The following ADK variants were observed in gnomAD, a reference collection of about 807,000 sequenced individuals.
The protein encoded by ADK is adenosine kinase, also known as N6,N6-dimethyladenosine kinase.
ADK carries 24 observed loss-of-function variants against 44.7 expected under a neutral mutation model. The ratio of observed to expected loss-of-function variants is 0.54; its 90% CI spans 0.39 to 0.76. ADK has a LOEUF of 0.76. Among genes scored for constraint, ADK ranks in the 30% least tolerant of loss-of-function variants. ADK has a pLI of 0.00. For synonymous variants in ADK, 128 were observed against 142.6 expected (o/e 0.90, Z 0.73); for missense variants, 321 against 425.1 (o/e 0.76, Z 2.15).
Position 74,314,940 on chromosome 10 carries a change from C to A in ADK, c.273+195C>A, listed in dbSNP as rs539968582. Among the ~76,000 whole-genome samples the A allele has an allele frequency of 1.2e-4, 19 of 152,158 alleles. No homozygotes were observed. The East Asian group carries it at 1.3e-3, about 11-fold the overall frequency. On this transcript the variant is annotated intron_variant, in intron 4 of 10. Transcript: ENST00000539909. ...TTCTTTGGTTATTGGTAAGCTTGAA[C>A]TTTTAATGTTTATTGTTCATTTGTG...
intron 3 of ADK, among the ~76,000 whole-genome samples, chr10:74,224,848 A>T (rs1329584269): frequency 2.0e-5 from 3 of 152,210 alleles, no homozygotes; most frequent in African/African-American, 7.2e-5. Flanking sequence ...TCTTACTGGG[A>T]AATATGTCAT....
intron 10 of ADK, among the ~76,000 whole-genome samples, chr10:74,690,223 G>A (rs952577893): frequency 2.0e-5 from 3 of 152,158 alleles, no homozygotes; most frequent in African/African-American, 7.2e-5. Flanking sequence ...GGCTGGGTGT[G>A]GTGGCTCACA....
intron 4 of ADK, chr10:74,344,932 CTCTCACATCTGACG>C (rs1037163271): frequency 6.4e-6 from 1 of 155,432 alleles, no homozygotes; most frequent in African/African-American, 2.4e-5. Context: ...TAAGCACAGG[CTCTCACATCTGACG>C]TCAGTACAAG....
At chr10:74,581,021 TACACACACACACACAC>T (rs143153735) in intron 7 of ADK, among the ~76,000 whole-genome samples, 4 of 145,244 alleles carry the variant, frequency 2.8e-5, no homozygotes, top group African/African-American at 7.7e-5. Flanking sequence ...CAATAATAAA[TACACACACACACACAC>T]ACACACACAC....
intron 4 of ADK, among the ~76,000 whole-genome samples, chr10:74,316,087 A>G (rs567666092): frequency 6.6e-6 from 1 of 152,216 alleles, no homozygotes; most frequent in East Asian, 1.9e-4. Context: ...AAAAAATACA[A>G]AAATTAGCCA....
intron 3 of ADK, among the ~76,000 whole-genome samples, chr10:74,258,034 T>C (rs1845892026): frequency 6.6e-6 from 1 of 152,210 alleles, no homozygotes. Flanking sequence ...GAAATGTTCT[T>C]TTTCCTCACT....
intron 4 of ADK, among the ~76,000 whole-genome samples, chr10:74,391,773 G>A (rs892004870): frequency 3.3e-5 from 5 of 150,658 alleles, no homozygotes; most frequent in South Asian, 2.1e-4. Context: ...ATTAGTATAC[G>A]CATGTTGTTA....
chr10:74,377,817 A>G (rs1013940998), intron 4 of ADK, among the ~76,000 whole-genome samples: 2 of 152,164 alleles, frequency 1.3e-5, no homozygotes, highest in African/African-American at 2.4e-5. Context: ...CCAACCTCCT[A>G]TCTCATCAAG....
chr10:74,586,448 G>A (rs1441493430), intron 7 of ADK, among the ~76,000 whole-genome samples: 3 of 152,136 alleles, frequency 2.0e-5, no homozygotes, highest in African/African-American at 7.2e-5. Context: ...TACAGACATG[G>A]AAGTGTCCTA....
chr10:74,452,078 T>TAA (rs1845800425), intron 6 of ADK, among the ~76,000 whole-genome samples: 1 of 151,978 alleles, frequency 6.6e-6, no homozygotes, highest in Non-Finnish European at 1.5e-5. Context: ...TGTATAATAA[T>TAA]GCATGACTAG....
At chr10:74,559,356 A>G (rs756921672) in intron 7 of ADK, among the ~76,000 whole-genome samples, 5 of 152,218 alleles carry the variant, frequency 3.3e-5, no homozygotes, top group Non-Finnish European at 7.3e-5. Context: ...TCTCACATAA[A>G]ATAGCTAGAT....
intron 2 of ADK, among the ~76,000 whole-genome samples, chr10:74,207,760 A>G (rs1330601526): frequency 2.6e-5 from 4 of 151,914 alleles, no homozygotes; most frequent in Non-Finnish European, 5.9e-5. Context: ...CCCTCAGTGG[A>G]CCCCACCTGG....
intron 4 of ADK, among the ~76,000 whole-genome samples, chr10:74,353,846 C>T (rs977536165): frequency 2.0e-5 from 3 of 152,132 alleles, no homozygotes; most frequent in Middle Eastern, 6.8e-3. Flanking sequence ...CCAGCTCTGG[C>T]GACAGAGCGA....
intron 10 of ADK, among the ~76,000 whole-genome samples, chr10:74,670,909 C>T (rs1855146709): frequency 6.6e-6 from 1 of 151,978 alleles, no homozygotes; most frequent in Non-Finnish European, 1.5e-5. Flanking sequence ...TAAATTCCTT[C>T]TAGTTAAGTG....
At chr10:74,383,263 T>C (rs1592132135) in intron 4 of ADK, among the ~76,000 whole-genome samples, 1 of 152,320 alleles carries the variant, frequency 6.6e-6, no homozygotes, top group South Asian at 2.1e-4. Context: ...CATACTTTTA[T>C]TCTGTACTTT....
At chr10:74,224,827 C>T (rs1045677156) in intron 3 of ADK, among the ~76,000 whole-genome samples, 1 of 152,202 alleles carries the variant, frequency 6.6e-6, no homozygotes, top group South Asian at 2.1e-4. Context: ...ATTCCATCAT[C>T]TAGACTAAAG....
At chr10:74,554,249 T>C (rs1589243032) in intron 7 of ADK, among the ~76,000 whole-genome samples, 1 of 152,268 alleles carries the variant, frequency 6.6e-6, no homozygotes, top group East Asian at 1.9e-4. Flanking sequence ...AAAGAATATG[T>C]CTAACATATG....
chr10:74,326,325 G>A (rs1841008588), intron 4 of ADK, among the ~76,000 whole-genome samples: 1 of 151,924 alleles, frequency 6.6e-6, no homozygotes, highest in Non-Finnish European at 1.5e-5. Flanking sequence ...TTGGTAGGGT[G>A]TGTTGGCTTA....
intron 6 of ADK, among the ~76,000 whole-genome samples, chr10:74,401,075 G>A (rs1457087490): frequency 2.6e-5 from 4 of 151,976 alleles, no homozygotes; most frequent in South Asian, 2.1e-4. Flanking sequence ...TTTATGCCAC[G>A]TAAACTCAGT....
Sources: gnomAD v4.1 joint callset for allele counts (sites outside exome capture counted in the v4.1 genomes callset) on GRCh38, gnomAD v4.1.1 for gene constraint, MANE v1.5 for transcripts, NCBI Gene and HGNC (gene_info 2026-07-23, HGNC 2026-07-21) for gene names.